NR6A1: variants seen among roughly 807,000 people sequenced by gnomAD.
The protein encoded by NR6A1 is nuclear receptor subfamily 6 group A member 1, also known as retinoic acid receptor-related testis-associated receptor.
Under a neutral mutation model 59.1 loss-of-function variants are expected in NR6A1, and 7 were observed. The observed-to-expected ratio is 0.12, with a 90% CI of 0.07 to 0.22. The LOEUF is 0.22. Among genes scored for constraint, NR6A1 ranks in the 10% least tolerant of loss-of-function variants. The probability of loss-of-function intolerance (pLI) is 1.00; values close to 1 mark genes in which losing one functional copy is unlikely to be tolerated. For synonymous variants in NR6A1, 243 were observed against 236.1 expected (o/e 1.03, Z -0.27); for missense variants, 468 against 611.6 (o/e 0.77, Z 2.48).
intron 2 of NR6A1, among the ~76,000 whole-genome samples, chr9:124,570,822 A>G (rs1452165334): frequency 6.6e-6 from 1 of 152,224 alleles, no homozygotes; most frequent in Non-Finnish European, 1.5e-5. Context: ...CATTTCATTC[A>G]TAGATAGCTT....
intron 2 of NR6A1, among the ~76,000 whole-genome samples, chr9:124,667,194 G>A (rs1050992300): frequency 6.6e-6 from 1 of 151,730 alleles, no homozygotes; most frequent in Non-Finnish European, 1.5e-5. Flanking sequence ...GCCACGCCTG[G>A]CTAAATTTTT....
intron 1 of NR6A1, among the ~76,000 whole-genome samples, chr9:124,738,776 G>A (rs895079852): frequency 8.6e-5 from 13 of 151,996 alleles, no homozygotes; most frequent in African/African-American, 2.7e-4. Context: ...AGGCCAAGGC[G>A]GGAGGATCAC....
At chr9:124,584,424 A>C (rs1044832843) in intron 2 of NR6A1, among the ~76,000 whole-genome samples, 1 of 151,886 alleles carries the variant, frequency 6.6e-6, no homozygotes, top group African/African-American at 2.4e-5. Flanking sequence ...ATTTTTTACA[A>C]ATTGAAGGTT....
intron 2 of NR6A1, among the ~76,000 whole-genome samples, chr9:124,697,307 G>C (rs759254697): frequency 2.0e-5 from 3 of 152,192 alleles, no homozygotes; most frequent in Non-Finnish European, 4.4e-5. Flanking sequence ...AGGAGACATG[G>C]AAGAAACAAA....
intron 8 of NR6A1, among the ~76,000 whole-genome samples, chr9:124,526,089 C>T (rs567640452): frequency 1.2e-4 from 18 of 152,292 alleles, no homozygotes; most frequent in African/African-American, 3.9e-4. Flanking sequence ...ACTTGCAATG[C>T]CACAGGCAGC....
intron 2 of NR6A1, among the ~76,000 whole-genome samples, chr9:124,627,057 T>G (rs1588719867): frequency 6.6e-6 from 1 of 152,220 alleles, no homozygotes; most frequent in East Asian, 1.9e-4. Context: ...AGAAAATGCT[T>G]TTGGAAGAAT....
chr9:124,724,160 T>C (rs1487282389), intron 2 of NR6A1, among the ~76,000 whole-genome samples: 2 of 152,054 alleles, frequency 1.3e-5, no homozygotes, highest in Non-Finnish European at 2.9e-5. Flanking sequence ...TAATACAGAG[T>C]GGGGGAAAAC....
At chr9:124,743,477 A>C (rs1353981917) in intron 1 of NR6A1, among the ~76,000 whole-genome samples, 1 of 152,202 alleles carries the variant, frequency 6.6e-6, no homozygotes, top group Admixed American at 6.5e-5. Flanking sequence ...ATGAAATCTT[A>C]GGGGGATACT....
At chr9:124,533,576 G>C (rs938563904) in intron 7 of NR6A1, among the ~76,000 whole-genome samples, 4 of 152,142 alleles carry the variant, frequency 2.6e-5, no homozygotes, top group Non-Finnish European at 4.4e-5. Context: ...TGGGTGGGAG[G>C]GGGAGATGGA....
At chr9:124,550,888 C>T (rs1833760501) in intron 3 of NR6A1, among the ~76,000 whole-genome samples, 1 of 152,214 alleles carries the variant, frequency 6.6e-6, no homozygotes, top group East Asian at 1.9e-4. Context: ...GATCACTTCT[C>T]TTTATTTATT....
chr9:124,561,035 C>T (rs905780697), intron 2 of NR6A1, among the ~76,000 whole-genome samples: 3 of 152,084 alleles, frequency 2.0e-5, no homozygotes, highest in Non-Finnish European at 4.4e-5. Context: ...GGCTGAGCAC[C>T]GTAGTCCCAG....
intron 2 of NR6A1, among the ~76,000 whole-genome samples, chr9:124,597,784 G>A (rs1020245052): frequency 3.9e-5 from 6 of 152,176 alleles, no homozygotes; most frequent in African/African-American, 1.2e-4. Context: ...TGGAAGAGGC[G>A]AGAGAAGATG....
intron 3 of NR6A1, among the ~76,000 whole-genome samples, chr9:124,546,140 G>A (rs1309095960): frequency 6.6e-6 from 1 of 152,042 alleles, no homozygotes; most frequent in African/African-American, 2.4e-5. Context: ...CTTCTTCCTC[G>A]ACCCCACCCA....
At chr9:124,617,779 C>G (rs371485303) in intron 2 of NR6A1, among the ~76,000 whole-genome samples, 4 of 152,268 alleles carry the variant, frequency 2.6e-5, no homozygotes, top group African/African-American at 9.6e-5. Flanking sequence ...AACATGCTAA[C>G]CAGGGCTTCC....
At chr9:124,707,299 A>G (rs1202643770) in intron 2 of NR6A1, among the ~76,000 whole-genome samples, 1 of 152,092 alleles carries the variant, frequency 6.6e-6, no homozygotes, top group East Asian at 1.9e-4. Flanking sequence ...TTTTCATTTT[A>G]GTTATACTTT....
At chr9:124,667,471 T>C (rs867165503) in intron 2 of NR6A1, among the ~76,000 whole-genome samples, 1 of 152,206 alleles carries the variant, frequency 6.6e-6, no homozygotes, top group South Asian at 2.1e-4. Flanking sequence ...CATTAATGAA[T>C]GAAATGCTAC....
chr9:124,554,357 T>C lies in NR6A1; in HGVS notation c.356A>G (p.Lys119Arg), dbSNP rs201615715. Residue 119 changes from lysine (K) to arginine (R), a missense_variant, in exon 3 of 10, where the codon AAA becomes AGA. This residue lies in a region of NR6A1 where 66 missense variants were observed against 139.2 expected (regional missense o/e 0.47). Coordinates refer to ENST00000487099, the MANE Select transcript of NR6A1 (RefSeq NM_033334.4). Reference protein sequence around the residue: ...RNRCQYCRLLKCLQMGMNRKA... With the variant: ...RNRCQYCRLLRCLQMGMNRKA... ...CCGGTTCATCCCCATCTGGAGGCAT[T>C]TGAGCAGGCGGCAGTACTGGCACCT... The C allele has an allele frequency of 2.4e-4, 391 of 1,614,070 alleles. 1 individual carries two copies. The highest frequency in any genetic ancestry group is 8.2e-4 in the Middle Eastern group (5 of 6,084).
At chr9:124,550,192 T>C (rs1005079907) in intron 3 of NR6A1, among the ~76,000 whole-genome samples, 1 of 152,176 alleles carries the variant, frequency 6.6e-6, no homozygotes, top group African/African-American at 2.4e-5. Flanking sequence ...TTAATCTTGA[T>C]CACTTGGCTA....
Position 124,522,471 on chromosome 9 carries a change from C to T in NR6A1, c.*234G>A. The T allele has an allele frequency of 2.8e-6, 1 of 352,412 alleles. No individual in the cohort carries two copies. Among genetic ancestry groups the T allele is most frequent in the South Asian group, 4.0e-5 (1 of 24,808 alleles). 21.8% of individuals were successfully genotyped at this position (352,412 alleles called of 1,614,324 possible). A position where few individuals can be genotyped will look rare whatever the true frequency, so the allele number is the denominator to read the frequency against. On this transcript the variant is annotated 3_prime_UTR_variant, in exon 10 of 10. Coordinates refer to ENST00000487099, the MANE Select transcript of NR6A1 (RefSeq NM_033334.4). ...TAAGAAAATGCATTGGCTGCATTCACACAAAAGCATGTGCATCATGTTGAA... is the reference window on the plus strand; with the variant it reads ...TAAGAAAATGCATTGGCTGCATTCATACAAAAGCATGTGCATCATGTTGAA...
Sources: gnomAD v4.1 joint callset for allele counts (sites outside exome capture counted in the v4.1 genomes callset) on GRCh38, gnomAD v4.1.1 for gene constraint, gnomAD v4.1.1 regional missense constraint, MANE v1.5 for transcripts, NCBI Gene and HGNC (gene_info 2026-07-23, HGNC 2026-07-21) for gene names.